IFT56: variants seen among roughly 807,000 people sequenced by gnomAD.
IFT56 encodes the protein intraflagellar transport 56.
At chr7:139,171,832 A>G in the IFT56 span, among the ~76,000 whole-genome samples, 1 of 152,210 alleles carries the variant, frequency 6.6e-6, no homozygotes, top group Non-Finnish European at 1.5e-5. Flanking sequence ...TTCAAACAAG[A>G]TAGGCTTTAT....
the IFT56 span, chr7:139,138,016 A>C: frequency 2.4e-6 from 2 of 837,690 alleles, no homozygotes; most frequent in South Asian, 3.7e-5. Context: ...AATAATACAT[A>C]TTCATGGTAA....
the IFT56 span, chr7:139,165,055 T>G: frequency 2.6e-6 from 3 of 1,160,880 alleles, no homozygotes; most frequent in South Asian, 3.0e-5. Flanking sequence ...CAGTTATATA[T>G]GCCAGCTCCT....
At chr7:139,172,613 C>T in the IFT56 span, 10 of 593,330 alleles carry the variant, frequency 1.7e-5, no homozygotes, top group South Asian at 1.4e-4. Context: ...TGCTAAAAAC[C>T]TCAAATAGAG....
At chr7:139,184,036 G>C in the IFT56 span, among the ~76,000 whole-genome samples, 1 of 152,070 alleles carries the variant, frequency 6.6e-6, no homozygotes, top group African/African-American at 2.4e-5. Context: ...GTTGTGCCCC[G>C]CATCTGGACA....
the IFT56 span, among the ~76,000 whole-genome samples, chr7:139,170,994 T>C: frequency 6.6e-6 from 1 of 152,218 alleles, no homozygotes; most frequent in Non-Finnish European, 1.5e-5. Context: ...TAAGCAAATG[T>C]GGTAAAATTG....
the IFT56 span, among the ~76,000 whole-genome samples, chr7:139,163,267 G>A: frequency 4.7e-5 from 7 of 147,556 alleles, no homozygotes; most frequent in African/African-American, 1.0e-4. Flanking sequence ...GTGTGAACCC[G>A]GGAGGCGAAG....
At chr7:139,187,394 T>C in the IFT56 span, 4 of 1,613,738 alleles carry the variant, frequency 2.5e-6, no homozygotes, top group East Asian at 6.7e-5. Flanking sequence ...CCACATACGT[T>C]CTCTTATTCA....
At chr7:139,186,121 G>A in the IFT56 span, among the ~76,000 whole-genome samples, 1 of 150,644 alleles carries the variant, frequency 6.6e-6, no homozygotes, top group African/African-American at 2.5e-5. Context: ...ATGTATTTAT[G>A]ATTGCCAAGT....
chr7:139,173,045 A>G, the IFT56 span: 1 of 733,598 alleles, frequency 1.4e-6, no homozygotes, highest in Non-Finnish European at 2.6e-6. Flanking sequence ...AGAGACTGCA[A>G]TGCTTCCAAC....
the IFT56 span, among the ~76,000 whole-genome samples, chr7:139,166,142 G>A: frequency 6.6e-6 from 1 of 152,126 alleles, no homozygotes; most frequent in Non-Finnish European, 1.5e-5. Context: ...ATTTCTAATA[G>A]AGACGGGGTT....
the IFT56 span, chr7:139,140,062 T>TC: frequency 3.4e-6 from 4 of 1,181,258 alleles, no homozygotes; most frequent in Non-Finnish European, 4.8e-6. Context: ...GTTTTGAAGA[T>TC]TTTAAAACTT....
chr7:139,144,647 A>T, the IFT56 span, among the ~76,000 whole-genome samples: 30 of 152,046 alleles, frequency 2.0e-4, no homozygotes, highest in Non-Finnish European at 4.1e-4. Flanking sequence ...GCATGTAAAC[A>T]CTTTGTCACA....
the IFT56 span, among the ~76,000 whole-genome samples, chr7:139,142,605 G>A: frequency 2.6e-5 from 4 of 152,162 alleles, no homozygotes; most frequent in African/African-American, 7.2e-5. Flanking sequence ...TGAAGCGGGC[G>A]GATCATCTGA....
At chr7:139,157,468 C>T in the IFT56 span, among the ~76,000 whole-genome samples, 1 of 143,342 alleles carries the variant, frequency 7.0e-6, no homozygotes, top group Admixed American at 6.9e-5. Flanking sequence ...TTCTTTTAGT[C>T]AGGTTTTGTG....
chr7:139,142,953 A>C, the IFT56 span, among the ~76,000 whole-genome samples: 2 of 152,172 alleles, frequency 1.3e-5, no homozygotes, highest in African/African-American at 2.4e-5. Flanking sequence ...GTATGGTAAT[A>C]ATTTTGATAA....
chr7:139,189,272 A>G, the IFT56 span: 1 of 1,381,994 alleles, frequency 7.2e-7, no homozygotes, highest in African/African-American at 1.5e-5. Context: ...TTATTTTTTA[A>G]TTTTCATTCT....
chr7:139,182,386 A>G, the IFT56 span, among the ~76,000 whole-genome samples: 1 of 152,230 alleles, frequency 6.6e-6, no homozygotes, highest in Non-Finnish European at 1.5e-5. Flanking sequence ...TAACAGTTTA[A>G]CATGACTTGG....
the IFT56 span, among the ~76,000 whole-genome samples, chr7:139,146,735 C>T: frequency 0.036 from 5,155 of 143,418 alleles, 135 homozygotes; most frequent in South Asian, 0.12. Context: ...CCATTGCACT[C>T]CAGCCTGGGG....
At chr7:139,140,532 C>T in the IFT56 span, among the ~76,000 whole-genome samples, 1 of 152,104 alleles carries the variant, frequency 6.6e-6, no homozygotes, top group South Asian at 2.1e-4. Context: ...GTAATCCCAG[C>T]ACTTTGGGAG....
Sources: gnomAD v4.1 joint callset for allele counts (sites outside exome capture counted in the v4.1 genomes callset) on GRCh38, gnomAD v4.1.1 for gene constraint, MANE v1.5 for transcripts, NCBI Gene and HGNC (gene_info 2026-07-23, HGNC 2026-07-21) for gene names.